Variants in TENM2 observed in about 807,000 individuals in gnomAD.
TENM2 encodes the protein teneurin transmembrane protein 2, also known as teneurin-2.
A neutral mutation model predicts 245.2 loss-of-function variants in TENM2; 52 were observed. The observed-to-expected ratio is 0.21, with a 90% confidence interval of 0.17 to 0.27. The LOEUF is 0.27. TENM2 is among the 10% of genes least tolerant of loss of function. The pLI is 1.00. For missense variants in TENM2, 3,046 were observed against 3,666.8 expected (o/e 0.83, Z 4.37); for synonymous variants, 1,363 against 1,438.9 (o/e 0.95, Z 1.19).
the TENM2 span, among the ~76,000 whole-genome samples, chr5:167,226,508 T>A: frequency 6.6e-6 from 1 of 152,162 alleles, no homozygotes; most frequent in South Asian, 2.1e-4. Flanking sequence ...GAGAAGATAC[T>A]TGATATGTCA....
At chr5:167,988,921 AT>A (rs1322877150) in intron 4 of TENM2, among the ~76,000 whole-genome samples, 1 of 152,214 alleles carries the variant, frequency 6.6e-6, no homozygotes, top group Non-Finnish European at 1.5e-5. Flanking sequence ...AATCATATCC[AT>A]TTTTCGTATA....
At chr5:168,224,233 A>C (rs1392255749) in intron 23 of TENM2, among the ~76,000 whole-genome samples, 1 of 152,168 alleles carries the variant, frequency 6.6e-6, no homozygotes, top group Non-Finnish European at 1.5e-5. Context: ...CCCTGATTAC[A>C]ACACCAGGGC....
rs772956779 is a variant in TENM2, at chr5:168,125,020, C to A, written c.2179C>A (p.Pro727Thr). 10 of 1,609,524 alleles carry A rather than the reference C, an allele frequency of 6.2e-6. No homozygotes were observed. In the East Asian group the frequency reaches 2.0e-4, roughly 32 times the overall value. ...TGACACGGGCCTCTGCAGCTGCGAT[C>A]CCAACTGGATGGGTCCCGACTGCTC... Residue 727 changes from proline (P) to threonine (T), a missense_variant, in exon 11 of 29, where the codon CCC becomes ACC. Around this residue, in one of 2 missense-constraint regions of TENM2, gnomAD observed 2,704 missense variants for 3,331.9 expected, o/e 0.81. Coordinates refer to ENST00000518659, the Ensembl canonical transcript of TENM2.
intron 1 of TENM2, among the ~76,000 whole-genome samples, chr5:167,292,501 G>T (rs1241432148): frequency 6.6e-6 from 1 of 152,084 alleles, no homozygotes; most frequent in Non-Finnish European, 1.5e-5. Context: ...TTTCAACACT[G>T]GACAATTGCT....
At chr5:167,251,600 T>C in the TENM2 span, among the ~76,000 whole-genome samples, 1 of 152,142 alleles carries the variant, frequency 6.6e-6, no homozygotes, top group African/African-American at 2.4e-5. Flanking sequence ...ACTCAAGATA[T>C]CATACAGCTT....
At chr5:167,251,223 G>T in the TENM2 span, among the ~76,000 whole-genome samples, 33 of 152,194 alleles carry the variant, frequency 2.2e-4, 1 homozygote, top group South Asian at 6.2e-3. Flanking sequence ...CTGGAAGAAC[G>T]AGAACTGGCT....
chr5:167,994,970 C>A (rs1017320952), intron 5 of TENM2, among the ~76,000 whole-genome samples: 1 of 152,142 alleles, frequency 6.6e-6, no homozygotes, highest in Admixed American at 6.5e-5. Context: ...ATTGAATGTG[C>A]CTTCGGGGTC....
exon 5 of TENM2, chr5:167,993,167 C>G (rs1387079101): frequency 6.2e-7 from 1 of 1,613,910 alleles, no homozygotes; most frequent in South Asian, 1.1e-5. Flanking sequence ...GGCTATTTTG[C>G]TGGCGTATTT....
intron 3 of TENM2, among the ~76,000 whole-genome samples, chr5:167,944,986 A>G (rs72824950): frequency 2.0e-5 from 3 of 152,356 alleles, no homozygotes; most frequent in Non-Finnish European, 4.4e-5. Flanking sequence ...TAGAGGTAAC[A>G]GAAATGAGGG....
intron 5 of TENM2, among the ~76,000 whole-genome samples, chr5:168,021,850 G>C (rs909918519): frequency 6.6e-6 from 1 of 151,058 alleles, no homozygotes; most frequent in African/African-American, 2.4e-5. Context: ...ATTAGGAACA[G>C]AGTTGTGACC....
chr5:167,004,022 AT>A, the TENM2 span, among the ~76,000 whole-genome samples: 1 of 152,176 alleles, frequency 6.6e-6, no homozygotes, highest in Non-Finnish European at 1.5e-5. Flanking sequence ...ATTGTAATTC[AT>A]TTTTAGTATT....
intron 2 of TENM2, among the ~76,000 whole-genome samples, chr5:167,593,132 C>T (rs965701280): frequency 2.0e-5 from 3 of 152,170 alleles, no homozygotes; most frequent in Non-Finnish European, 2.9e-5. Context: ...CTGCCCATAG[C>T]TTCTGAAGGT....
At chr5:167,851,580 C>T (rs975446671) in intron 2 of TENM2, among the ~76,000 whole-genome samples, 1 of 152,004 alleles carries the variant, frequency 6.6e-6, no homozygotes, top group African/African-American at 2.4e-5. Flanking sequence ...TACCAGAGCC[C>T]GAGGGTAGAC....
chr5:167,465,647 G>A (rs1305752464), intron 2 of TENM2, among the ~76,000 whole-genome samples: 1 of 152,192 alleles, frequency 6.6e-6, no homozygotes, highest in Non-Finnish European at 1.5e-5. Flanking sequence ...GACTAACACG[G>A]TGAAACCCCG....
intron 6 of TENM2, among the ~76,000 whole-genome samples, chr5:168,057,686 A>T (rs1789669630): frequency 6.6e-6 from 1 of 152,188 alleles, no homozygotes; most frequent in Non-Finnish European, 1.5e-5. Flanking sequence ...TATTGTTAAG[A>T]TTTTACACAA....
At chr5:167,713,632 A>G (rs1395485250) in intron 2 of TENM2, among the ~76,000 whole-genome samples, 1 of 152,148 alleles carries the variant, frequency 6.6e-6, no homozygotes, top group Non-Finnish European at 1.5e-5. Flanking sequence ...GCTCACATAC[A>G]TGCGCACATG....
At chr5:167,418,002 A>C (rs934630584) in intron 2 of TENM2, among the ~76,000 whole-genome samples, 1 of 152,172 alleles carries the variant, frequency 6.6e-6, no homozygotes, top group African/African-American at 2.4e-5. Flanking sequence ...GTGCTTGTAC[A>C]CGTACATCCT....
At chr5:167,436,082 G>A (rs1582040122) in intron 2 of TENM2, among the ~76,000 whole-genome samples, 1 of 145,262 alleles carries the variant, frequency 6.9e-6, no homozygotes, top group South Asian at 2.2e-4. Flanking sequence ...GGGTTCAAGC[G>A]ATTCTCCTGC....
chr5:168,042,756 G>A (rs1466937441), intron 5 of TENM2, among the ~76,000 whole-genome samples: 1 of 152,112 alleles, frequency 6.6e-6, no homozygotes, highest in Non-Finnish European at 1.5e-5. Context: ...TGAAATCGGG[G>A]ATCTGTGTGT....
Sources: allele counts gnomAD v4.1 joint callset (sites outside exome capture counted in the v4.1 genomes callset), GRCh38; gene constraint gnomAD v4.1.1; regional missense constraint gnomAD v4.1.1; transcripts MANE v1.5; gene names NCBI Gene and HGNC (gene_info 2026-07-23, HGNC 2026-07-21).